CRYBG1: variants seen among roughly 807,000 people sequenced by gnomAD.
The protein encoded by CRYBG1 is beta/gamma crystallin domain-containing protein 1.
In CRYBG1, 139 loss-of-function variants were observed where a neutral mutation model predicts 189.2. The ratio of observed to expected loss-of-function variants is 0.73; its 90% confidence interval spans 0.64 to 0.85. The LOEUF is 0.85. CRYBG1 is among the 40% of genes least tolerant of loss of function. The pLI, the probability that CRYBG1 is intolerant of heterozygous loss-of-function variation, is 0.00. For synonymous variants in CRYBG1, 1,023 were observed against 1,017.1 expected, an observed-to-expected ratio of 1.01 and a Z score of -0.11; for missense variants, 2,611 against 2,675.8, an observed-to-expected ratio of 0.98 and a Z score of 0.53.
At position 106,519,715 on chromosome 6, in the gene CRYBG1, A is replaced by G. The variant is rs1773538068; in HGVS notation, c.2507A>G (p.Gln836Arg). 2.5e-6 allele frequency: 4 copies of G among 1,614,200 alleles called. No individual in the cohort carries two copies. The highest frequency in any genetic ancestry group is 8.5e-7 in the Non-Finnish European group (1 of 1,180,040). Residue 836 changes from glutamine (Q) to arginine (R), a missense_variant, in exon 4 of 22, where the codon CAA (glutamine) becomes CGA (arginine). Physicochemically the swap from Gln to Arg is conservative, Grantham distance 43 (BLOSUM62 1). This residue lies in a region of CRYBG1 where 1,622 missense variants were observed against 1,735.0 expected (regional missense o/e 0.93). Transcript: ENST00000633556. ...LVLENVTDTAQDIPTTVDTKD... is the reference protein window; with the variant it reads ...LVLENVTDTARDIPTTVDTKD... Reference sequence around the variant, plus strand: ...CTTGAAAATGTAACCGATACAGCACAAGACATCCCCACCACTGTGGATACC... The same window carrying G: ...CTTGAAAATGTAACCGATACAGCACGAGACATCCCCACCACTGTGGATACC...
At chr6:106,407,274 C>CA (rs1439740166) in intron 1 of CRYBG1, among the ~76,000 whole-genome samples, 1 of 151,826 alleles carries the variant, frequency 6.6e-6, no homozygotes, top group Non-Finnish European at 1.5e-5. Flanking sequence ...CAACAAAGAT[C>CA]AAAAAAGACA....
chr6:106,526,229 C>A (rs1238157044), intron 6 of CRYBG1, among the ~76,000 whole-genome samples: 2 of 152,074 alleles, frequency 1.3e-5, no homozygotes, highest in African/African-American at 4.8e-5. Flanking sequence ...AGCAGCTTTC[C>A]TATTAGATTT....
At chr6:106,506,852 A>G (rs1257003241) in intron 2 of CRYBG1, among the ~76,000 whole-genome samples, 1 of 152,212 alleles carries the variant, frequency 6.6e-6, no homozygotes, top group African/African-American at 2.4e-5. Context: ...TCCCATAGTT[A>G]CTATAAAAAG....
rs956993907 is a variant in CRYBG1 at position 106,476,280 on chromosome 6, A to G, written c.312+24448A>G. On this transcript the variant is annotated intron_variant, in intron 2 of 21. Coordinates refer to ENST00000633556, the MANE Select transcript of CRYBG1 (RefSeq NM_001371242.2). ...GGTGGGGTGAGCAGCATGGTGGAGA[A>G]AGGCACTGGGCACTGGACAGTCTGT... is the stretch of plus-strand genomic sequence containing the variant. Among the ~76,000 whole-genome samples, 4 of 152,260 alleles carry G rather than the reference A, an allele frequency of 2.6e-5. No individual in the cohort carries two copies. The South Asian group carries it at 6.2e-4, about 24-fold the overall frequency.
chr6:106,510,979 C>A (rs977865618), intron 2 of CRYBG1, among the ~76,000 whole-genome samples: 1 of 152,174 alleles, frequency 6.6e-6, no homozygotes, highest in East Asian at 1.9e-4. Flanking sequence ...GTCCTCCTTC[C>A]CTCCTACAAA....
intron 1 of CRYBG1, among the ~76,000 whole-genome samples, chr6:106,396,857 T>C (rs1432093287): frequency 6.6e-6 from 1 of 152,196 alleles, no homozygotes; most frequent in East Asian, 1.9e-4. Context: ...AATTTTTGTA[T>C]TTTTAGTAGA....
At chr6:106,490,233 T>C (rs1466735995) in intron 2 of CRYBG1, among the ~76,000 whole-genome samples, 1 of 152,222 alleles carries the variant, frequency 6.6e-6, no homozygotes, top group East Asian at 1.9e-4. Context: ...ATGCAGGCTG[T>C]TTCCCCTGCA....
chr6:106,464,432 G>T (rs919640928), intron 2 of CRYBG1, among the ~76,000 whole-genome samples: 1 of 150,634 alleles, frequency 6.6e-6, no homozygotes, highest in African/African-American at 2.5e-5. Context: ...GGCAGAGGTT[G>T]CAGTGAGCCA....
intron 1 of CRYBG1, among the ~76,000 whole-genome samples, chr6:106,424,602 C>T (rs1562302998): frequency 6.6e-6 from 1 of 152,218 alleles, no homozygotes; most frequent in Non-Finnish European, 1.5e-5. Context: ...GCTGAGATTA[C>T]AGGCACCCAC....
At chr6:106,383,399 C>T (rs1159056554) in intron 1 of CRYBG1, among the ~76,000 whole-genome samples, 2 of 152,122 alleles carry the variant, frequency 1.3e-5, no homozygotes, top group Non-Finnish European at 2.9e-5. Context: ...AAAGCTGGGG[C>T]CAGAACCAAG....
At chr6:106,451,552 C>G (rs115328168) in intron 1 of CRYBG1, 142 bp from the exon 2 acceptor site, 3 of 804,684 alleles carry the variant, frequency 3.7e-6, no homozygotes, top group Non-Finnish European at 5.4e-6. Context: ...TTATCTACAA[C>G]GCCGTGTAGG....
intron 21 of CRYBG1, among the ~76,000 whole-genome samples, chr6:106,564,456 A>G (rs969715149): frequency 2.0e-5 from 3 of 152,248 alleles, no homozygotes; most frequent in Non-Finnish European, 4.4e-5. Context: ...CATGTGTTCA[A>G]TGAAGCTAAT....
At chr6:106,396,970 A>G (rs561775326) in intron 1 of CRYBG1, among the ~76,000 whole-genome samples, 1 of 152,330 alleles carries the variant, frequency 6.6e-6, no homozygotes, top group Non-Finnish European at 1.5e-5. Flanking sequence ...ATGAGCCACC[A>G]TGCCCAGCCA....
In CRYBG1 at chr6:106,415,540, G is replaced by A. The variant is rs368458941; in HGVS notation, c.174-36154G>A. 1.6e-3 allele frequency among the ~76,000 whole-genome samples: 244 copies of A among 151,152 alleles called. 3 individuals are homozygous for A. In the South Asian group the frequency reaches 0.017, roughly 11 times the overall value. ...AGGAGTTCAGACAAGCCTGGGTAAC[G>A]TGGAAAAATCCCGTCTCTACAAAAA... On this transcript the variant is annotated intron_variant, in intron 1 of 21. Transcript: ENST00000633556.
intron 1 of CRYBG1, among the ~76,000 whole-genome samples, chr6:106,394,728 G>A: frequency 6.6e-6 from 1 of 152,146 alleles, no homozygotes; most frequent in Non-Finnish European, 1.5e-5. Context: ...TGGATGTTAA[G>A]TTAGAACACA....
intron 2 of CRYBG1, among the ~76,000 whole-genome samples, chr6:106,508,504 C>T (rs1773177121): frequency 6.6e-6 from 1 of 152,034 alleles, no homozygotes. Flanking sequence ...TGACCCCACC[C>T]TCAGGCAACC....
At chr6:106,563,610 G>A (rs1000903088) in intron 20 of CRYBG1, among the ~76,000 whole-genome samples, 154 bp from the exon 21 acceptor site, 2 of 152,210 alleles carry the variant, frequency 1.3e-5, no homozygotes, top group Non-Finnish European at 2.9e-5. Flanking sequence ...TTTATTGTCC[G>A]ATTCTAGTTG....
rs9373877 is a variant in CRYBG1 at position 106,556,177 on chromosome 6, A to C, written c.5715+280A>C. On this transcript the variant is annotated intron_variant, in intron 17 of 21. Transcript: ENST00000633556. ...TAGGAGTAGAATTACTGGATTTCAC[A>C]TGTAAGAACAGGCAGTTTCATTCAG... Among the ~76,000 whole-genome samples the C allele has an allele frequency of 3.7e-4, 56 of 152,340 alleles. No homozygotes were observed. In the East Asian group the frequency reaches 9.8e-3, roughly 27 times the overall value.
intron 18 of CRYBG1, 136 bp from the exon 19 acceptor site, chr6:106,560,667 A>G: frequency 9.0e-7 from 1 of 1,109,212 alleles, no homozygotes; most frequent in Non-Finnish European, 1.2e-6. Context: ...GTGTTCTAGA[A>G]AAGATCATTT....
Sources: gnomAD v4.1 joint callset for allele counts (sites outside exome capture counted in the v4.1 genomes callset) on GRCh38, gnomAD v4.1.1 for gene constraint, gnomAD v4.1.1 regional missense constraint, MANE v1.5 for transcripts, NCBI Gene and HGNC (gene_info 2026-07-23, HGNC 2026-07-21) for gene names.